Variants in SPACA7 observed in about 807,000 individuals in gnomAD.
The protein encoded by SPACA7 is sperm acrosome associated 7.
In SPACA7, 19 loss-of-function variants were observed where a neutral mutation model predicts 26.3. The observed-to-expected ratio is 0.72, with a 90% CI of 0.50 to 1.06. The LOEUF (loss-of-function observed/expected upper bound fraction) is 1.06, where lower values mean the gene tolerates loss of function less well. SPACA7 is among the 50% of genes least tolerant of loss of function. SPACA7 has a pLI of 0.00. For synonymous variants in SPACA7, 84 were observed against 84.5 expected (o/e 0.99, Z 0.04); for missense variants, 211 against 229.9 (o/e 0.92, Z 0.53).
At chr13:112,403,587 C>A (rs2138970415) in intron 5 of SPACA7, among the ~76,000 whole-genome samples, 1 of 152,242 alleles carries the variant, frequency 6.6e-6, no homozygotes, top group Middle Eastern at 3.4e-3. Context: ...CCCACACTTT[C>A]CCCCAAGTTC....
chr13:112,410,224 G>A (rs1325944384), intron 5 of SPACA7, among the ~76,000 whole-genome samples: 4 of 152,040 alleles, frequency 2.6e-5, no homozygotes, highest in African/African-American at 4.8e-5. Context: ...GATGGGGTGC[G>A]GGGATGGGGG....
intron 5 of SPACA7, among the ~76,000 whole-genome samples, chr13:112,411,679 T>C (rs926169678): frequency 1.1e-4 from 16 of 152,280 alleles, no homozygotes; most frequent in Middle Eastern, 3.4e-3. Context: ...AACATATGAG[T>C]GAGAGCATGT....
chr13:112,397,517 G>A (rs998056356), intron 2 of SPACA7, among the ~76,000 whole-genome samples: 3 of 152,076 alleles, frequency 2.0e-5, no homozygotes, highest in African/African-American at 4.8e-5. Context: ...CCGTGAGGAC[G>A]CTTGTCCAAG....
chr13:112,396,531 T>C (rs1309244845), intron 2 of SPACA7, among the ~76,000 whole-genome samples: 2 of 151,782 alleles, frequency 1.3e-5, no homozygotes, highest in African/African-American at 4.9e-5. Context: ...TGGGCCATCC[T>C]TGGCCCCCCA....
intron 1 of SPACA7, among the ~76,000 whole-genome samples, chr13:112,390,293 T>A (rs549895720): frequency 6.6e-6 from 1 of 152,200 alleles, no homozygotes; most frequent in South Asian, 2.1e-4. Context: ...CCACTCTGTA[T>A]GGTTTGCAAA....
chr13:112,428,352 G>A (rs1876739411), intron 5 of SPACA7, among the ~76,000 whole-genome samples: 1 of 152,212 alleles, frequency 6.6e-6, no homozygotes, highest in Admixed American at 6.5e-5. Flanking sequence ...GGCCAAGGCA[G>A]ATGGATTACT....
chr13:112,397,121 G>A (rs2138940225), intron 2 of SPACA7, among the ~76,000 whole-genome samples: 1 of 152,306 alleles, frequency 6.6e-6, no homozygotes, highest in East Asian at 1.9e-4. Flanking sequence ...CCAGGACAAA[G>A]CTTTTTTATC....
At chr13:112,410,543 G>A (rs538844921) in intron 5 of SPACA7, among the ~76,000 whole-genome samples, 6 of 152,130 alleles carry the variant, frequency 3.9e-5, no homozygotes, top group Admixed American at 1.3e-4. Context: ...GATGACCCTT[G>A]CAGATATTAT....
chr13:112,379,414 G>A (rs1301495281), intron 1 of SPACA7, among the ~76,000 whole-genome samples: 2 of 152,132 alleles, frequency 1.3e-5, no homozygotes, highest in Admixed American at 1.3e-4. Context: ...TGCATAAAAT[G>A]GCCATGGTTA....
chr13:112,400,577 A>C (rs576357599), intron 4 of SPACA7, among the ~76,000 whole-genome samples: 2 of 152,230 alleles, frequency 1.3e-5, no homozygotes, highest in Admixed American at 6.5e-5. Context: ...ATGCTTGCTA[A>C]GTTCAATGGC....
intron 1 of SPACA7, among the ~76,000 whole-genome samples, chr13:112,387,455 A>G (rs1294223305): frequency 6.6e-6 from 1 of 152,224 alleles, no homozygotes; most frequent in African/African-American, 2.4e-5. Flanking sequence ...CAGAACACAG[A>G]AAGACAAATT....
intron 5 of SPACA7, among the ~76,000 whole-genome samples, chr13:112,404,247 C>G (rs1261443914): frequency 6.6e-6 from 1 of 152,162 alleles, no homozygotes; most frequent in Non-Finnish European, 1.5e-5. Flanking sequence ...CTATTCATGT[C>G]CTCAGCCCAC....
chr13:112,380,957 T>G (rs1884019951), intron 1 of SPACA7, among the ~76,000 whole-genome samples: 1 of 152,210 alleles, frequency 6.6e-6, no homozygotes, highest in South Asian at 2.1e-4. Context: ...CATCTTACAA[T>G]TTTTAGAGAT....
At chr13:112,425,907 TC>T (rs1352797797) in intron 5 of SPACA7, among the ~76,000 whole-genome samples, 1 of 152,154 alleles carries the variant, frequency 6.6e-6, no homozygotes, top group Non-Finnish European at 1.5e-5. Flanking sequence ...AGGTCTGGGA[TC>T]CCCAGGGAAC....
intron 1 of SPACA7, among the ~76,000 whole-genome samples, chr13:112,388,604 GC>G (rs1163106036): frequency 1.3e-5 from 2 of 152,204 alleles, no homozygotes; most frequent in Non-Finnish European, 2.9e-5. Flanking sequence ...ATCCAAAAAG[GC>G]AGTATTGTAC....
chr13:112,384,025 A>G (rs1440315198), intron 1 of SPACA7, among the ~76,000 whole-genome samples: 1 of 152,268 alleles, frequency 6.6e-6, no homozygotes, highest in Non-Finnish European at 1.5e-5. Context: ...AGTTGCAAAT[A>G]GCTTTAAAGA....
chr13:112,405,011 C>G (rs946110486), intron 5 of SPACA7, among the ~76,000 whole-genome samples: 3 of 120,582 alleles, frequency 2.5e-5, no homozygotes, highest in African/African-American at 1.0e-4. Flanking sequence ...TTAAGACAGT[C>G]TCGCTGTGTC....
rs529373844 is a variant in SPACA7 at position 112,386,613 on chromosome 13, CA to C, written c.95-6399del. The stretch of plus-strand genomic sequence containing the variant: ...CATGTGTGCCTTAAGGGTGACGAGA[CA>C]AAAAAAAATGGAGACAAATAGTACA... On this transcript the variant is annotated intron_variant, in intron 1 of 6. Coordinates refer to ENST00000283550, the MANE Select transcript of SPACA7 (RefSeq NM_145248.5). 4.3e-4 allele frequency among the ~76,000 whole-genome samples: 62 copies of C among 145,786 alleles called. No individual in the cohort carries two copies. In the South Asian group the frequency reaches 8.7e-3, roughly 20 times the overall value.
chr13:112,379,019 C>T (rs974317345), intron 1 of SPACA7, among the ~76,000 whole-genome samples: 5 of 152,114 alleles, frequency 3.3e-5, no homozygotes, highest in East Asian at 1.9e-4. Context: ...AATTGTTGTC[C>T]GTTATGCGTA....
Sources: gnomAD v4.1 joint callset for allele counts (sites outside exome capture counted in the v4.1 genomes callset) on GRCh38, gnomAD v4.1.1 for gene constraint, MANE v1.5 for transcripts, NCBI Gene and HGNC (gene_info 2026-07-23, HGNC 2026-07-21) for gene names.